Variants in OCA2 observed in about 807,000 individuals in gnomAD.
The protein encoded by OCA2 is OCA2 melanosomal transmembrane protein, also known as P protein.
Under a neutral mutation model 100.2 loss-of-function variants are expected in OCA2, and 77 were observed. The observed-to-expected ratio is 0.77, with a 90% CI of 0.64 to 0.93. The LOEUF (loss-of-function observed/expected upper bound fraction) is 0.93, where lower values mean the gene tolerates loss of function less well. Among genes scored for constraint, OCA2 ranks in the 40% least tolerant of loss-of-function variants. The pLI is 0.00. For missense variants in OCA2, 1,062 were observed against 1,089.1 expected (o/e 0.98, Z 0.35); for synonymous variants, 432 against 439.2 (o/e 0.98, Z 0.21).
At chr15:27,722,595 ATT>A in the OCA2 span, among the ~76,000 whole-genome samples, 2 of 151,078 alleles carry the variant, frequency 1.3e-5, no homozygotes, top group African/African-American at 4.9e-5. Flanking sequence ...CCTGTTTTAT[ATT>A]TCTTTCCTTC....
At chr15:27,806,033 G>T (rs2033831369) in intron 23 of OCA2, among the ~76,000 whole-genome samples, 1 of 152,230 alleles carries the variant, frequency 6.6e-6, no homozygotes, top group African/African-American at 2.4e-5. Context: ...TACAGTGCAG[G>T]TTTGTGACTA....
chr15:27,919,310 T>G (rs1483474307), intron 19 of OCA2, among the ~76,000 whole-genome samples: 2 of 152,160 alleles, frequency 1.3e-5, no homozygotes, highest in African/African-American at 4.8e-5. Context: ...ACACAAAAAG[T>G]TGCACATAGA....
At chr15:28,057,846 A>T (rs1361191873) in intron 2 of OCA2, among the ~76,000 whole-genome samples, 2 of 152,324 alleles carry the variant, frequency 1.3e-5, no homozygotes, top group East Asian at 3.9e-4. Context: ...TCAGGAGTAA[A>T]GCAGGAGGGG....
intron 23 of OCA2, among the ~76,000 whole-genome samples, chr15:27,801,002 C>G (rs917950685): frequency 6.6e-6 from 1 of 152,066 alleles, no homozygotes; most frequent in Non-Finnish European, 1.5e-5. Context: ...AATGCAAAAC[C>G]TTCCCACAAG....
chr15:27,966,132 G>A lies in OCA2; in HGVS notation c.1636+558C>T, dbSNP rs1335072015. ...ATTACAGGCCTGTGCCACCATGCCCGGCTAATTTCTGTATTTTTAGTAGAG... is the reference window on the plus strand; with the variant it reads ...ATTACAGGCCTGTGCCACCATGCCCAGCTAATTTCTGTATTTTTAGTAGAG... On this transcript the variant is annotated intron_variant, in intron 15 of 23. Coordinates refer to ENST00000354638, the MANE Select transcript of OCA2 (RefSeq NM_000275.3). Among the ~76,000 whole-genome samples the A allele has an allele frequency of 3.9e-5, 6 of 152,236 alleles. No homozygotes were observed. In the East Asian group the frequency reaches 9.7e-4, roughly 25 times the overall value.
At chr15:27,946,164 A>T (rs1328025146) in intron 18 of OCA2, among the ~76,000 whole-genome samples, 1 of 152,188 alleles carries the variant, frequency 6.6e-6, no homozygotes, top group African/African-American at 2.4e-5. Context: ...TCACTGAATT[A>T]TCTTTCTAAA....
chr15:28,015,008 AC>A, intron 8 of OCA2, 79 bp from the exon 9 acceptor site: 1 of 1,445,120 alleles, frequency 6.9e-7, no homozygotes, highest in Non-Finnish European at 9.6e-7. Context: ...CATGGCATTA[AC>A]CAGAGTGCAA....
chr15:27,909,357 G>T (rs2038298780), intron 19 of OCA2, among the ~76,000 whole-genome samples: 2 of 152,104 alleles, frequency 1.3e-5, no homozygotes, highest in South Asian at 2.1e-4. Flanking sequence ...ATGCAATCTT[G>T]ATCAAAAATG....
chr15:27,811,983 T>C (rs1307230727), intron 23 of OCA2, among the ~76,000 whole-genome samples: 1 of 152,238 alleles, frequency 6.6e-6, no homozygotes, highest in Admixed American at 6.5e-5. Context: ...AATCACTTTA[T>C]TTTTATTTCA....
chr15:27,907,387 A>G (rs1025539621), intron 19 of OCA2, among the ~76,000 whole-genome samples: 4 of 152,248 alleles, frequency 2.6e-5, no homozygotes, highest in African/African-American at 9.6e-5. Flanking sequence ...AGCAGTAATC[A>G]GAGGAAAATC....
intron 23 of OCA2, among the ~76,000 whole-genome samples, chr15:27,828,335 G>A (rs9806736): frequency 0.49 from 75,178 of 151,942 alleles, 19,356 homozygotes; most frequent in South Asian, 0.76. Context: ...TGCGGGCTAG[G>A]GACTGACTGC....
chr15:27,909,718 G>C (rs2038312907), intron 19 of OCA2, among the ~76,000 whole-genome samples: 1 of 152,104 alleles, frequency 6.6e-6, no homozygotes, highest in Non-Finnish European at 1.5e-5. Flanking sequence ...AATAAAATTA[G>C]ATTCCATATT....
chr15:27,903,854 T>C (rs2038063403), intron 19 of OCA2, among the ~76,000 whole-genome samples: 1 of 152,266 alleles, frequency 6.6e-6, no homozygotes, highest in South Asian at 2.1e-4. Flanking sequence ...AATTTTTACA[T>C]GAATATTTCA....
intron 23 of OCA2, among the ~76,000 whole-genome samples, chr15:27,818,205 CATGG>C (rs1255315905): frequency 6.6e-6 from 1 of 152,092 alleles, no homozygotes; most frequent in African/African-American, 2.4e-5. Flanking sequence ...GCCCGGCTAA[CATGG>C]TGAAACCCCA....
intron 23 of OCA2, among the ~76,000 whole-genome samples, chr15:27,776,082 T>G (rs769271147): frequency 1.3e-5 from 2 of 152,230 alleles, no homozygotes; most frequent in Non-Finnish European, 2.9e-5. Flanking sequence ...AGTCATAATT[T>G]CCTCTTTAGC....
the OCA2 span, among the ~76,000 whole-genome samples, chr15:27,742,937 C>T: frequency 6.6e-6 from 1 of 152,302 alleles, no homozygotes; most frequent in Admixed American, 6.5e-5. Flanking sequence ...TCTTCCGTTT[C>T]TTCTGTACAC....
chr15:27,848,231 T>A (rs2035607752), intron 22 of OCA2, among the ~76,000 whole-genome samples: 1 of 152,164 alleles, frequency 6.6e-6, no homozygotes, highest in Non-Finnish European at 1.5e-5. Context: ...CATCCCTCCC[T>A]ATCATGGGCA....
intron 23 of OCA2, among the ~76,000 whole-genome samples, chr15:27,777,404 C>T (rs1406378310): frequency 6.6e-6 from 1 of 152,156 alleles, no homozygotes; most frequent in Non-Finnish European, 1.5e-5. Context: ...CATTGTCTGA[C>T]TTTATAATTT....
In OCA2 at chr15:28,043,573, G is replaced by A. The variant is rs1279979523; in HGVS notation, c.228-11410C>T. Among the ~76,000 whole-genome samples the A allele has an allele frequency of 1.3e-5, 2 of 152,154 alleles. No homozygotes were observed. Among genetic ancestry groups the A allele is most frequent in the Non-Finnish European group, 2.9e-5 (2 of 68,030 alleles). On this transcript the variant is annotated intron_variant, in intron 2 of 23. Coordinates refer to ENST00000354638, the MANE Select transcript of OCA2 (RefSeq NM_000275.3). This position sits in a 1 kb window ranked among gnomAD's most constrained non-coding sequence, Gnocchi z 4.4. ...TTTTCAAAGCAAACGGATGGAACATGAAAGACTCCTGTTTAGAGAACCACT... is the reference window on the plus strand; with the variant it reads ...TTTTCAAAGCAAACGGATGGAACATAAAAGACTCCTGTTTAGAGAACCACT...
Sources: gnomAD v4.1 joint callset for allele counts (sites outside exome capture counted in the v4.1 genomes callset) on GRCh38, gnomAD v4.1.1 for gene constraint, Gnocchi (gnomAD v3.1) non-coding constraint, MANE v1.5 for transcripts, NCBI Gene and HGNC (gene_info 2026-07-23, HGNC 2026-07-21) for gene names.